The following PABPC4 variants were observed in gnomAD, a reference collection of about 807,000 sequenced individuals.
PABPC4 encodes poly(A) binding protein cytoplasmic 4, also known as polyadenylate-binding protein 4.
In PABPC4, 15 loss-of-function variants were observed where a neutral mutation model predicts 74.5. The ratio of observed to expected loss-of-function variants is 0.20; its 90% CI spans 0.13 to 0.31. The LOEUF (loss-of-function observed/expected upper bound fraction) is 0.31, where lower values mean the gene tolerates loss of function less well. Ranked by LOEUF, PABPC4 falls within the 10% of genes least tolerant of loss-of-function variation. PABPC4 has a pLI of 1.00. For missense variants in PABPC4, 610 were observed against 853.5 expected (o/e 0.71, Z 3.55); for synonymous variants, 345 against 303.0 (o/e 1.14, Z -1.44).
chr1:39,561,563 C>T, intron 15 of PABPC4, 122 bp downstream of exon 15: 1 of 682,078 alleles, frequency 1.5e-6, no homozygotes, highest in South Asian at 1.8e-5. Context: ...GTGTAACTAA[C>T]TGTACTTATT....
At chr1:39,569,836 G>A (rs774166237) in intron 4 of PABPC4, 27 bp downstream of exon 4, 17 of 1,612,662 alleles carry the variant, frequency 1.1e-5, no homozygotes, top group Non-Finnish European at 1.4e-5. Context: ...GGTAGACTGT[G>A]AAAGGAGACA....
At position 39,572,429 on chromosome 1, in the gene PABPC4, A is replaced by G. The variant is rs1645955074; in HGVS notation, c.351T>C (p.Asp117=). ...DKSIDNKALY[D]TFSAFGNILS... ...GTATGTTTCCAAAAGCAGAAAAAGT[A>G]TCATAAAGTGCCTTGTTATCTATAG... The change falls in exon 2 of 16, where the codon GAT becomes GAC. Residue 117 remains aspartate (D), a synonymous_variant. Transcript: ENST00000372858. 1.9e-6 allele frequency: 3 copies of G among 1,613,902 alleles called. No homozygotes were observed. Among genetic ancestry groups the G allele is most frequent in the Non-Finnish European group, 2.5e-6 (3 of 1,179,846 alleles).
In PABPC4 at chr1:39,565,156, T is replaced by C; in HGVS notation, c.1195A>G (p.Asn399Asp). Reference protein sequence around the residue: ...MRALPANAILNQFQPAAGGYF... With the variant: ...MRALPANAILDQFQPAAGGYF... ...CCACCCGCTGCAGGCTGGAACTGATTTAAGATGGCATTGGCAGGAAGTGCT... is the reference window on the plus strand; with the variant it reads ...CCACCCGCTGCAGGCTGGAACTGATCTAAGATGGCATTGGCAGGAAGTGCT... Residue 399 changes from asparagine to aspartate, a missense_variant, in exon 8 of 16, where the codon AAT becomes GAT. By Grantham distance (23) the Asn-to-Asp change is conservative. This residue lies in a region of PABPC4 where 277 missense variants were observed against 301.8 expected (regional missense o/e 0.92). Transcript: ENST00000372858. 1.2e-6 allele frequency: 2 copies of C among 1,614,194 alleles called. No individual in the cohort carries two copies. Among genetic ancestry groups the C allele is most frequent in the Non-Finnish European group, 1.7e-6 (2 of 1,180,038 alleles).
In PABPC4 at chr1:39,575,971, C is replaced by T. The variant is rs750172003; in HGVS notation, c.-20G>A. ...GTTCATCTCCCCGCCCCCCACCACC[C>T]CGAGCCCCGCCAGGAGGACTTCTTA... On this transcript the variant is annotated 5_prime_UTR_variant, in exon 1 of 16. Transcript: ENST00000372858. 2.7e-6 allele frequency: 4 copies of T among 1,472,378 alleles called. No homozygotes were observed. The highest frequency in any genetic ancestry group is 3.6e-6 in the Non-Finnish European group (4 of 1,100,940). 91.2% of individuals were successfully genotyped at this position (1,472,378 alleles called of 1,614,324 possible).
Position 39,570,997 on chromosome 1 carries a change from G to C in PABPC4, c.503+237C>G, listed in dbSNP as rs11577939. On this transcript the variant is annotated intron_variant, in intron 3 of 15. Coordinates refer to ENST00000372858, the MANE Select transcript of PABPC4 (RefSeq NM_001135653.2). ...TTGATGCTCACAAAACCCACAGACA[G>C]ATGCCTTTAAGGGAGAGGCGGCAGG... The C allele has an allele frequency of 0.017, 22,537 of 1,318,668 alleles. 250 individuals carry two copies. The highest frequency in any genetic ancestry group is 0.022 in the Middle Eastern group (78 of 3,520). 81.7% of individuals were successfully genotyped at this position (1,318,668 alleles called of 1,614,324 possible). A position where few individuals can be genotyped will look rare whatever the true frequency, so the allele number is the denominator to read the frequency against.
chr1:39,569,595 C>G lies in PABPC4; in HGVS notation c.738G>C (p.Lys246Asn). ...VSYEKHEDANKAVEEMNGKEI... is the reference protein window; with the variant it reads ...VSYEKHEDANNAVEEMNGKEI... ...TTCCCAATCTTTGTGGTATACTCAC[C>G]TTATTGGCATCCTCGTGTTTTTCGT... is the stretch of plus-strand genomic sequence containing the variant. The change falls in exon 5 of 16, where the codon AAG becomes AAC. Residue 246 changes from lysine to asparagine, a missense_variant and splice_region_variant. Around this residue, in one of 4 missense-constraint regions of PABPC4, gnomAD observed 304 missense variants for 478.9 expected, o/e 0.63. Transcript: ENST00000372858. 1 of 1,612,440 alleles carries G rather than the reference C, an allele frequency of 6.2e-7. No homozygotes were observed. The highest frequency in any genetic ancestry group is 8.5e-7 in the Non-Finnish European group (1 of 1,178,424).
chr1:39,569,585 G>A lies in PABPC4; in HGVS notation c.738+10C>T, dbSNP rs757303572. 5.0e-6 allele frequency: 8 copies of A among 1,606,532 alleles called. No homozygotes were observed. The East Asian group carries it at 1.3e-4, about 27-fold the overall frequency. On this transcript the variant is annotated intron_variant, in intron 5 of 15. Coordinates refer to ENST00000372858, the MANE Select transcript of PABPC4 (RefSeq NM_001135653.2). ...TTAAAAGCTTTTCCCAATCTTTGTG[G>A]TATACTCACCTTATTGGCATCCTCG... is the stretch of plus-strand genomic sequence containing the variant.
In PABPC4 at chr1:39,565,042, C is replaced by T. The variant is rs1645816834; in HGVS notation, c.1245+64G>A. On this transcript the variant is annotated intron_variant, in intron 8 of 15. Transcript: ENST00000372858. Reference sequence around the variant, plus strand: ...TCTAATAACGAAAAATCCCTCTCCCCAACCACTGCAGAATACTGCCAGCCG... The same window carrying T: ...TCTAATAACGAAAAATCCCTCTCCCTAACCACTGCAGAATACTGCCAGCCG... 29 of 1,556,218 alleles carry T rather than the reference C, an allele frequency of 1.9e-5. No individual in the cohort carries two copies. In the South Asian group the frequency reaches 3.2e-4, roughly 17 times the overall value.
At chr1:39,561,881 C>T in intron 14 of PABPC4, 94 bp from the exon 15 acceptor site, 1 of 1,231,128 alleles carries the variant, frequency 8.1e-7, no homozygotes, top group Non-Finnish European at 1.2e-6. Flanking sequence ...GCCAACTGTA[C>T]AGATGATCCC....
At position 39,563,829 on chromosome 1, in the gene PABPC4, A is replaced by G. The variant is rs1438007716; in HGVS notation, c.1540+7T>C. 2 of 1,614,166 alleles carry G rather than the reference A, an allele frequency of 1.2e-6. No homozygotes were observed. The highest frequency in any genetic ancestry group is 1.7e-6 in the Non-Finnish European group (2 of 1,180,014). Reference sequence around the variant, plus strand: ...TCTTTCCCCCTTCTGTGTGCATCCAATACCACCTCCAGACTGGCAGCTGTC... The same window carrying G: ...TCTTTCCCCCTTCTGTGTGCATCCAGTACCACCTCCAGACTGGCAGCTGTC... On this transcript the variant is annotated splice_region_variant and intron_variant, in intron 11 of 15. Coordinates refer to ENST00000372858, the MANE Select transcript of PABPC4 (RefSeq NM_001135653.2).
intron 7 of PABPC4, among the ~76,000 whole-genome samples, chr1:39,566,724 A>C (rs1482042768): frequency 6.6e-6 from 1 of 152,196 alleles, no homozygotes; most frequent in Non-Finnish European, 1.5e-5. Context: ...GGGACAATTC[A>C]AGGTATGGCT....
chr1:39,572,713 A>G, intron 1 of PABPC4, 127 bp from the exon 2 acceptor site: 1 of 641,172 alleles, frequency 1.6e-6, no homozygotes, highest in Non-Finnish European at 2.7e-6. Flanking sequence ...CTCTATTAAA[A>G]TAAAAGGGCA....
At chr1:39,573,420 G>T (rs1461898545) in intron 1 of PABPC4, among the ~76,000 whole-genome samples, 1 of 152,128 alleles carries the variant, frequency 6.6e-6, no homozygotes, top group Non-Finnish European at 1.5e-5. Flanking sequence ...AGAATTCTAG[G>T]ACTTCAGCTA....
At position 39,565,265 on chromosome 1, in the gene PABPC4, T is replaced by C. The variant is rs771728508; in HGVS notation, c.1086A>G (p.Pro362=). ...EMNGRIVGSK[P]LYVALAQRKE... ...TCCTCTGGGCCAGGGCAACATATAG[T>C]GGCTTGGAGCCCACAATGCGTCCAT... Residue 362 remains proline (P), a synonymous_variant, in exon 8 of 16, where the codon CCA becomes CCG. Transcript: ENST00000372858. The C allele has an allele frequency of 2.5e-6, 4 of 1,614,214 alleles. No individual in the cohort carries two copies. The Admixed American group carries it at 6.7e-5, about 27-fold the overall frequency.
Position 39,563,657 on chromosome 1 carries a change from G to T in PABPC4, c.1625C>A (p.Ala542Asp), listed in dbSNP as rs766685682. The change falls in exon 12 of 16, where the codon GCC becomes GAC. Residue 542 changes from alanine (A) to aspartate (D), a missense_variant. This residue lies in a region of PABPC4 where 277 missense variants were observed against 301.8 expected (regional missense o/e 0.92). Transcript: ENST00000372858. ...APRAVAPYKY[A>D]SSVRSPHPAI... is the part of the protein sequence containing the mutation. ...AGGATGAGGGCTGCGGACACTGGAG[G>T]CGTATTTGTAGGGGGCAACAGCCCG... 6 of 1,614,226 alleles carry T rather than the reference G, an allele frequency of 3.7e-6. No homozygotes were observed. In the South Asian group the frequency reaches 6.6e-5, roughly 18 times the overall value.
chr1:39,563,709 G>C lies in PABPC4; in HGVS notation c.1573C>G (p.Arg525Gly), dbSNP rs141523814. 6 of 1,614,240 alleles carry C rather than the reference G, an allele frequency of 3.7e-6. No individual in the cohort carries two copies. The highest frequency in any genetic ancestry group is 1.1e-5 in the South Asian group (1 of 91,082). ...VPTAVQNLAP[R>G]AAVAAAAPRA... ...GGAGCAGCAGCAGCAACAGCAGCGC[G>C]TGGCGCTAAGTTCTGCACAGCTGTG... Residue 525 changes from arginine to glycine, a missense_variant, in exon 12 of 16, where the codon CGC becomes GGC. Arg to Gly is a moderately radical substitution (Grantham distance 125, BLOSUM62 -2). This residue lies in a region of PABPC4 where 277 missense variants were observed against 301.8 expected (regional missense o/e 0.92). Transcript: ENST00000372858.
chr1:39,562,019 C>T (rs1022495165), intron 14 of PABPC4, 54 bp downstream of exon 14: 1 of 1,590,218 alleles, frequency 6.3e-7, no homozygotes. Flanking sequence ...CCAAGTTTGC[C>T]CCCAGTCTTC....
At position 39,564,641 on chromosome 1, in the gene PABPC4, G is replaced by C. The variant is rs902818161; in HGVS notation, c.1333+45C>G. 2.5e-6 allele frequency: 4 copies of C among 1,608,440 alleles called. No individual in the cohort carries two copies. The East Asian group carries it at 8.9e-5, about 36-fold the overall frequency. On this transcript the variant is annotated intron_variant, in intron 9 of 15. Transcript: ENST00000372858. ...AAGAAGGAAAGGCAGGGGAGACCAG[G>C]ACAGGTATATCCTGGGCTGTCAATT...
intron 7 of PABPC4, among the ~76,000 whole-genome samples, chr1:39,566,535 G>A (rs1645845887): frequency 6.6e-6 from 1 of 152,168 alleles, no homozygotes; most frequent in Non-Finnish European, 1.5e-5. Context: ...AATAGACAAG[G>A]TTATTCACTG....
Sources: allele counts gnomAD v4.1 joint callset (sites outside exome capture counted in the v4.1 genomes callset), GRCh38; gene constraint gnomAD v4.1.1; regional missense constraint gnomAD v4.1.1; transcripts MANE v1.5; gene names NCBI Gene and HGNC (gene_info 2026-07-23, HGNC 2026-07-21).